Variants in RBFOX1 observed in about 807,000 individuals in gnomAD.
RBFOX1 encodes RNA binding fox-1 homolog 1.
Under a neutral mutation model 57.7 loss-of-function variants are expected in RBFOX1, and 8 were observed. That is an observed-to-expected ratio of 0.14 (90% CI 0.08 to 0.25). The LOEUF (loss-of-function observed/expected upper bound fraction) is 0.25. Among genes scored for constraint, RBFOX1 ranks in the 10% least tolerant of loss-of-function variants. RBFOX1 has a pLI of 1.00. For missense variants in RBFOX1, 611 were observed against 548.5 expected, an observed-to-expected ratio of 1.11 and a Z score of -1.14; for synonymous variants, 326 against 222.4, an observed-to-expected ratio of 1.47 and a Z score of -4.15.
At chr16:6,558,508 A>T (rs563162428) in intron 2 of RBFOX1, among the ~76,000 whole-genome samples, 2 of 152,274 alleles carry the variant, frequency 1.3e-5, no homozygotes, top group Admixed American at 1.3e-4. Flanking sequence ...TTGGAAGGAC[A>T]TTGGAAAAAT....
At chr16:6,634,927 TATA>T (rs990492663) in intron 2 of RBFOX1, among the ~76,000 whole-genome samples, 2 of 140,514 alleles carry the variant, frequency 1.4e-5, no homozygotes, top group African/African-American at 2.5e-5. Flanking sequence ...TATAATATAA[TATA>T]ATTTAAATTA....
chr16:5,597,620 G>C (rs528331297), intron 2 of RBFOX1, among the ~76,000 whole-genome samples: 1 of 151,882 alleles, frequency 6.6e-6, no homozygotes, highest in African/African-American at 2.4e-5. Flanking sequence ...GACTAGTCTG[G>C]AGCTCCTGAC....
chr16:6,152,497 C>A (rs1243188898), intron 1 of RBFOX1, among the ~76,000 whole-genome samples: 1 of 152,184 alleles, frequency 6.6e-6, no homozygotes, highest in Non-Finnish European at 1.5e-5. Context: ...AAAGTCAGAT[C>A]AGCTCAAGTT....
chr16:6,555,765 TGTTTA>T lies in RBFOX1; in HGVS notation c.-63-98834_-63-98830del, dbSNP rs2097089621. ...ATTCCATCTATTGTGTGTTTATCTCTGTTTAGTTACGCACTTGTGTGTAGTTGCAT... is the reference window on the plus strand; with the variant it reads ...ATTCCATCTATTGTGTGTTTATCTCTGTTACGCACTTGTGTGTAGTTGCAT... On this transcript the variant is annotated intron_variant, in intron 2 of 15. Transcript: ENST00000550418. 2.0e-5 allele frequency among the ~76,000 whole-genome samples: 3 copies of T among 152,278 alleles called. No homozygotes were observed. In the South Asian group the frequency reaches 6.2e-4, roughly 32 times the overall value.
At chr16:6,669,976 A>G (rs1338918413) in intron 3 of RBFOX1, among the ~76,000 whole-genome samples, 4 of 152,150 alleles carry the variant, frequency 2.6e-5, no homozygotes, top group Non-Finnish European at 4.4e-5. Context: ...ATAGCACCCT[A>G]ACTTACAGTA....
At chr16:5,954,063 C>T (rs1397973101) in intron 4 of RBFOX1, among the ~76,000 whole-genome samples, 1 of 152,152 alleles carries the variant, frequency 6.6e-6, no homozygotes, top group Non-Finnish European at 1.5e-5. Context: ...GGGCACTGCA[C>T]ACTATGCTAC....
chr16:7,084,248 ATG>A (rs915179596), intron 4 of RBFOX1, among the ~76,000 whole-genome samples: 7 of 152,000 alleles, frequency 4.6e-5, no homozygotes, highest in Non-Finnish European at 1.0e-4. Flanking sequence ...ATATGTATAT[ATG>A]TGTGTGTGTG....
At chr16:6,227,135 A>T (rs1033966299) in intron 1 of RBFOX1, among the ~76,000 whole-genome samples, 1 of 151,864 alleles carries the variant, frequency 6.6e-6, no homozygotes, top group Non-Finnish European at 1.5e-5. Context: ...AGAAAAAAAA[A>T]AGTAATATTA....
chr16:5,614,684 C>T (rs921459121), intron 3 of RBFOX1, among the ~76,000 whole-genome samples: 3 of 152,116 alleles, frequency 2.0e-5, no homozygotes, highest in African/African-American at 7.3e-5. Context: ...CACCCCTACC[C>T]CCTGTACATA....
chr16:6,492,473 GCAGGAGAATCGCTTGAACC>G (rs1204401143), intron 2 of RBFOX1, among the ~76,000 whole-genome samples: 1 of 152,168 alleles, frequency 6.6e-6, no homozygotes, highest in Non-Finnish European at 1.5e-5. Context: ...GGAGGCTGAG[GCAGGAGAATCGCTTGAACC>G]CGGGAGGTGG....
intron 2 of RBFOX1, among the ~76,000 whole-genome samples, chr16:6,524,294 T>C (rs1267810888): frequency 6.6e-6 from 1 of 152,224 alleles, no homozygotes; most frequent in Non-Finnish European, 1.5e-5. Flanking sequence ...TGATCTCCAG[T>C]TCATTCTGTG....
intron 4 of RBFOX1, among the ~76,000 whole-genome samples, chr16:7,101,023 G>A (rs2062599085): frequency 6.6e-6 from 1 of 152,138 alleles, no homozygotes; most frequent in African/African-American, 2.4e-5. Context: ...TGCATACAAG[G>A]ATATATGGTA....
intron 4 of RBFOX1, among the ~76,000 whole-genome samples, chr16:5,966,412 G>A (rs1361506421): frequency 3.3e-5 from 5 of 152,254 alleles, no homozygotes; most frequent in African/African-American, 4.8e-5. Flanking sequence ...TCACATGGCC[G>A]GAGCAGGAGC....
intron 3 of RBFOX1, among the ~76,000 whole-genome samples, chr16:7,001,119 C>G (rs80287355): frequency 6.6e-6 from 1 of 152,080 alleles, no homozygotes; most frequent in Non-Finnish European, 1.5e-5. Flanking sequence ...GCATCTGTAT[C>G]TTCCTTCATT....
intron 3 of RBFOX1, among the ~76,000 whole-genome samples, chr16:6,746,403 A>C (rs13336404): frequency 1.9e-4 from 29 of 152,188 alleles, no homozygotes; most frequent in African/African-American, 7.0e-4. Context: ...TGCGCTGGGC[A>C]TGGTGGCTCA....
chr16:6,411,542 A>C (rs2093458771), intron 2 of RBFOX1, among the ~76,000 whole-genome samples: 1 of 152,194 alleles, frequency 6.6e-6, no homozygotes, highest in Non-Finnish European at 1.5e-5. Flanking sequence ...CTACATGCAG[A>C]CTGCTTTTTC....
At chr16:5,736,684 T>C (rs921701582) in intron 3 of RBFOX1, among the ~76,000 whole-genome samples, 1 of 152,102 alleles carries the variant, frequency 6.6e-6, no homozygotes, top group Admixed American at 6.5e-5. Context: ...GTCTCTCAGA[T>C]TGTCTGTCTC....
At chr16:5,696,940 T>G (rs1021256446) in intron 3 of RBFOX1, among the ~76,000 whole-genome samples, 1 of 152,114 alleles carries the variant, frequency 6.6e-6, no homozygotes, top group Non-Finnish European at 1.5e-5. Context: ...TGAGACCGAG[T>G]CTCATTCTCT....
At chr16:5,646,911 G>C (rs931150343) in intron 3 of RBFOX1, among the ~76,000 whole-genome samples, 1 of 152,130 alleles carries the variant, frequency 6.6e-6, no homozygotes, top group Non-Finnish European at 1.5e-5. Flanking sequence ...GATATTACAG[G>C]CGTGAGCCAC....
Sources: gnomAD v4.1 joint callset for allele counts (sites outside exome capture counted in the v4.1 genomes callset) on GRCh38, gnomAD v4.1.1 for gene constraint, MANE v1.5 for transcripts, NCBI Gene and HGNC (gene_info 2026-07-23, HGNC 2026-07-21) for gene names.